MAPK11: variants seen among roughly 807,000 people sequenced by gnomAD.
MAPK11 encodes MAP kinase 11.
A neutral mutation model predicts 52.2 loss-of-function variants in MAPK11; 44 were observed. The ratio of observed to expected loss-of-function variants is 0.84; its 90% CI spans 0.66 to 1.08. The LOEUF is 1.08. Ranked by LOEUF, MAPK11 falls within the 50% of genes least tolerant of loss-of-function variation. The pLI is 0.00. For synonymous variants in MAPK11, 233 were observed against 206.3 expected (o/e 1.13, Z -1.11); for missense variants, 436 against 494.7 (o/e 0.88, Z 1.13).
chr22:50,267,241 C>T lies in MAPK11; in HGVS notation c.447+16G>A, dbSNP rs749466213. ...AGCCCTGCTGGACCCGACCCTCACC[C>T]TGCGGTCGCACCTACCCGGTGGATG... On this transcript the variant is annotated intron_variant, in intron 5 of 11. Transcript: ENST00000330651. 1.2e-6 allele frequency: 2 copies of T among 1,608,034 alleles called. No individual in the cohort carries two copies. Among genetic ancestry groups the T allele is most frequent in the East Asian group, 2.2e-5 (1 of 44,726 alleles).
chr22:50,267,536 G>T lies in MAPK11; in HGVS notation c.305+33C>A, dbSNP rs1193105634. 4 of 1,547,366 alleles carry T rather than the reference G, an allele frequency of 2.6e-6. No homozygotes were observed. In the South Asian group the frequency reaches 4.7e-5, roughly 18 times the overall value. On this transcript the variant is annotated intron_variant, in intron 3 of 11. Transcript: ENST00000330651. ...GGCCCCACCGCCCCACCGCGAACGC[G>T]CTCCCCGCTGCCTCGCCCGCCCCGC...
In MAPK11 at chr22:50,264,669, G is replaced by A; in HGVS notation, c.*279C>T. The A allele has an allele frequency of 2.8e-6, 1 of 360,374 alleles. No individual in the cohort carries two copies. The highest frequency in any genetic ancestry group is 4.9e-5 in the East Asian group (1 of 20,262). The allele number at this position is 360,374 out of a possible 1,614,324, so 22.3% of individuals were successfully genotyped here. A position where few individuals can be genotyped will look rare whatever the true frequency, so the allele number is the denominator to read the frequency against. On this transcript the variant is annotated 3_prime_UTR_variant, in exon 12 of 12. Transcript: ENST00000330651. ...CCCCTTTGGCATCTAGGACCCCACA[G>A]TCAGGTCCCAGTGGAGAGTGCAGTA...
intron 9 of MAPK11, 61 bp from the exon 10 acceptor site, chr22:50,265,721 T>C: frequency 1.8e-6 from 2 of 1,117,640 alleles, no homozygotes; most frequent in Non-Finnish European, 1.3e-6. Flanking sequence ...GGCCCCAAAC[T>C]GGGGCTTCTC....
At chr22:50,265,561 C>G in intron 10 of MAPK11, 21 bp downstream of exon 10, 2 of 1,612,534 alleles carry the variant, frequency 1.2e-6, no homozygotes, top group Non-Finnish European at 1.7e-6. Context: ...GGAGCCCAGT[C>G]TAGCCCAGGG....
At position 50,267,636 on chromosome 22, in the gene MAPK11, CG is replaced by C. The variant is rs774341030; in HGVS notation, c.247-10del. 3.2e-5 allele frequency: 49 copies of C among 1,533,880 alleles called. No homozygotes were observed. Among genetic ancestry groups the C allele is most frequent in the Non-Finnish European group, 4.3e-5 (49 of 1,141,804 alleles). On this transcript the variant is annotated splice_polypyrimidine_tract_variant and intron_variant, in intron 2 of 11. Transcript: ENST00000330651. ...TCCAGAAGCCCGATGACCTAGGTGG[CG>C]GGGGGCGTCAGGGCCGGGCGACGAA...
At position 50,265,097 on chromosome 22, in the gene MAPK11, C is replaced by G. The variant is rs547913050; in HGVS notation, c.1016-70G>C. 409 of 1,404,270 alleles carry G rather than the reference C, an allele frequency of 2.9e-4. No homozygotes were observed. The African/African-American group carries it at 3.5e-3, about 12-fold the overall frequency. The allele number at this position is 1,404,270 out of a possible 1,614,324, so 87.0% of individuals were successfully genotyped here. A position where few individuals can be genotyped will look rare whatever the true frequency, so the allele number is the denominator to read the frequency against. The stretch of plus-strand genomic sequence containing the variant: ...GGCCCCTCACCTGCTTGTCTGGCAC[C>G]TGCCACCCAGCCCAGGCCCACCACC... On this transcript the variant is annotated intron_variant, in intron 11 of 11. Transcript: ENST00000330651.
rs908840626 is a variant in MAPK11 at position 50,267,141 on chromosome 22, C to T, written c.481G>A (p.Asp161Asn). The T allele has an allele frequency of 2.5e-6, 4 of 1,611,992 alleles. No individual in the cohort carries two copies. In the Admixed American group the frequency reaches 5.0e-5, roughly 20 times the overall value. The change falls in exon 6 of 12, where the codon GAC becomes AAC. Residue 161 changes from aspartate (D) to asparagine (N), a missense_variant. By Grantham distance (23) the Asp-to-Asn change is conservative. Coordinates refer to ENST00000330651, the MANE Select transcript of MAPK11 (RefSeq NM_002751.7). The part of the protein sequence containing the change: ...LKPSNVAVNE[D>N]CELRILDFGL... ...ACGGGCCTCACCCTGAGCTCACAGT[C>T]CTCGTTCACAGCCACGTTGCTGGGC...
At chr22:50,267,520 G>A (rs746689735) in intron 3 of MAPK11, 38 bp from the exon 4 acceptor site, 3 of 1,563,282 alleles carry the variant, frequency 1.9e-6, no homozygotes, top group East Asian at 2.3e-5. Flanking sequence ...GGGCCCCACC[G>A]CCCCACCGCG....
rs201775880 is a variant in MAPK11, at chr22:50,270,266, G to A, written c.27C>T (p.Tyr9=). 5.6e-6 allele frequency: 8 copies of A among 1,434,424 alleles called. No individual in the cohort carries two copies. In the Admixed American group the frequency reaches 2.1e-4, roughly 37 times the overall value. 88.9% of individuals were successfully genotyped at this position (1,434,424 alleles called of 1,614,324 possible). Residue 9 remains tyrosine (Y), a synonymous_variant, in exon 1 of 12, where the codon TAC becomes TAT. Transcript: ENST00000330651. The surrounding 1 kb of genome is among the most constrained non-coding windows in gnomAD (Gnocchi z 6.3). MSGPRAGF[Y]RQELNKTVWE... ...ACACGGTCTTGTTCAGCTCCTGCCG[G>A]TAGAAGCCGGCGCGAGGGCCCGACA...
chr22:50,266,750 C>G (rs763453475), intron 7 of MAPK11, 139 bp from the exon 8 acceptor site: 27 of 977,108 alleles, frequency 2.8e-5, no homozygotes, highest in Non-Finnish European at 2.1e-5. Context: ...GGGGGAGGTC[C>G]ATAGCTGCAC....
intron 9 of MAPK11, 57 bp downstream of exon 9, chr22:50,266,169 G>A (rs1198053201): frequency 1.4e-6 from 2 of 1,409,306 alleles, no homozygotes; most frequent in Non-Finnish European, 1.9e-6. Flanking sequence ...CTCTCCCCCA[G>A]AGAGCCTGGG....
In MAPK11 at chr22:50,264,743, CAG is replaced by C. The variant is rs2065248491; in HGVS notation, c.*203_*204del. 1.9e-6 allele frequency: 1 copy of C among 539,912 alleles called. No homozygotes were observed. The highest frequency in any genetic ancestry group is 3.3e-6 in the Non-Finnish European group (1 of 299,270). 33.4% of individuals were successfully genotyped at this position (539,912 alleles called of 1,614,324 possible). The stretch of plus-strand genomic sequence containing the variant: ...AGGTAGGCCCAGGGACACTTGTGCC[CAG>C]ACTCCTACACATGGCAAGCACATGT... On this transcript the variant is annotated 3_prime_UTR_variant, in exon 12 of 12. Coordinates refer to ENST00000330651, the MANE Select transcript of MAPK11 (RefSeq NM_002751.7).
intron 5 of MAPK11, 31 bp from the exon 6 acceptor site, chr22:50,267,205 GGCTGGGACGGAGCCCT>G (rs911958499): frequency 6.2e-7 from 1 of 1,610,258 alleles, no homozygotes; most frequent in Admixed American, 1.7e-5. Context: ...GAGCACAGGA[GGCTGGGACGGAGCCCT>G]GCTGGACCCG....
In MAPK11 at chr22:50,267,511, GGCCCCACC is replaced by G. The variant is rs35494257; in HGVS notation, c.306-37_306-30del. On this transcript the variant is annotated intron_variant, in intron 3 of 11. Coordinates refer to ENST00000330651, the MANE Select transcript of MAPK11 (RefSeq NM_002751.7). ...GGGCGGGGTCAGGGGGTCAGGACAG[GGCCCCACC>G]GCCCCACCGCGAACGCGCTCCCCGC... The G allele has an allele frequency of 1.1e-5, 18 of 1,577,312 alleles. No individual in the cohort carries two copies. The Admixed American group carries it at 2.7e-4, about 24-fold the overall frequency.
Position 50,264,858 on chromosome 22 carries a change from G to T in MAPK11, c.*90C>A. ...CAGAAGTCTGTGACCATAGGAGTGT[G>T]GGAGGTGCCTCTCGAGGAAACCAGG... On this transcript the variant is annotated 3_prime_UTR_variant, in exon 12 of 12. Transcript: ENST00000330651. 1 of 987,810 alleles carries T rather than the reference G, an allele frequency of 1.0e-6. No homozygotes were observed. The highest frequency in any genetic ancestry group is 2.6e-5 in the East Asian group (1 of 38,862). The allele number at this position is 987,810 out of a possible 1,614,324, so 61.2% of individuals were successfully genotyped here. A position where few individuals can be genotyped will look rare whatever the true frequency, so the allele number is the denominator to read the frequency against.
At position 50,264,835 on chromosome 22, in the gene MAPK11, G is replaced by A; in HGVS notation, c.*113C>T. 2.6e-6 allele frequency: 2 copies of A among 769,238 alleles called. No homozygotes were observed. The highest frequency in any genetic ancestry group is 4.2e-6 in the Non-Finnish European group (2 of 473,314). 47.7% of individuals were successfully genotyped at this position (769,238 alleles called of 1,614,324 possible). On this transcript the variant is annotated 3_prime_UTR_variant, in exon 12 of 12. Coordinates refer to ENST00000330651, the MANE Select transcript of MAPK11 (RefSeq NM_002751.7). ...CCTGAAGGCGAGGGGTCCTAGGCCAGAAGTCTGTGACCATAGGAGTGTGGG... is the reference window on the plus strand; with the variant it reads ...CCTGAAGGCGAGGGGTCCTAGGCCAAAAGTCTGTGACCATAGGAGTGTGGG...
intron 1 of MAPK11, among the ~76,000 whole-genome samples, chr22:50,268,377 G>A (rs200984214): frequency 2.4e-4 from 36 of 152,332 alleles, no homozygotes; most frequent in Non-Finnish European, 4.4e-4. Context: ...GCTCACAGAG[G>A]GGGATTCTAG....
chr22:50,265,042 G>T lies in MAPK11; in HGVS notation c.1016-15C>A, dbSNP rs772572232. The T allele has an allele frequency of 6.2e-7, 1 of 1,607,774 alleles. No homozygotes were observed. Among genetic ancestry groups the T allele is most frequent in the South Asian group, 1.1e-5 (1 of 90,620 alleles). On this transcript the variant is annotated splice_polypyrimidine_tract_variant and intron_variant, in intron 11 of 11. Coordinates refer to ENST00000330651, the MANE Select transcript of MAPK11 (RefSeq NM_002751.7). ...GTAAGTGAGCTCTAGGAGGTGAAGG[G>T]AAAGGGTGAGCTTGTGCCTCCCACA...
Position 50,270,222 on chromosome 22 carries a change from A to G in MAPK11, c.71T>C (p.Leu24Pro). The G allele has an allele frequency of 6.6e-7, 1 of 1,507,556 alleles. No homozygotes were observed. Among genetic ancestry groups the G allele is most frequent in the Non-Finnish European group, 8.8e-7 (1 of 1,134,044 alleles). 93.4% of individuals were successfully genotyped at this position (1,507,556 alleles called of 1,614,324 possible). The change falls in exon 1 of 12, where the codon CTG (leucine) becomes CCG (proline). Residue 24 changes from leucine to proline, a missense_variant. Leu to Pro is a moderately conservative substitution (Grantham distance 98, BLOSUM62 -3). Coordinates refer to ENST00000330651, the MANE Select transcript of MAPK11 (RefSeq NM_002751.7). This position sits in a 1 kb window ranked among gnomAD's most constrained non-coding sequence, Gnocchi z 6.3. ...NKTVWEVPQR[L>P]QGLRPVGSGA... ...GGAGCCCACCGGGCGCAGCCCCTGC[A>G]GCCGCTGCGGCACCTCCCACACGGT...
Sources: allele counts gnomAD v4.1 joint callset (sites outside exome capture counted in the v4.1 genomes callset), GRCh38; gene constraint gnomAD v4.1.1; non-coding constraint Gnocchi (gnomAD v3.1); transcripts MANE v1.5; gene names NCBI Gene and HGNC (gene_info 2026-07-23, HGNC 2026-07-21).